C12orf50: variants seen among roughly 807,000 people sequenced by gnomAD.
C12orf50 encodes the protein zinc finger CCCH-type containing 11D.
C12orf50 carries 35 observed loss-of-function variants against 61.6 expected under a neutral mutation model. That is an observed-to-expected ratio of 0.57 (90% CI 0.43 to 0.75). C12orf50 has a LOEUF of 0.75. Ranked by LOEUF, C12orf50 falls within the 30% of genes least tolerant of loss-of-function variation. C12orf50 has a pLI of 0.00. For synonymous variants in C12orf50, 178 were observed against 161.5 expected (o/e 1.10, Z -0.77); for missense variants, 475 against 488.5 (o/e 0.97, Z 0.26).
chr12:87,980,106 T>A lies in C12orf50; in HGVS notation c.*225A>T. 1 of 543,108 alleles carries A rather than the reference T, an allele frequency of 1.8e-6. No homozygotes were observed. The highest frequency in any genetic ancestry group is 2.8e-5 in the South Asian group (1 of 35,598). The allele number at this position is 543,108 out of a possible 1,614,324, so 33.6% of individuals were successfully genotyped here. On this transcript the variant is annotated 3_prime_UTR_variant, in exon 13 of 13. Transcript: ENST00000298699. ...GCACGGAATGAATTCCAGACCTACATAAATACACTGGCAGCTGTTGGTAAT... is the reference window on the plus strand; with the variant it reads ...GCACGGAATGAATTCCAGACCTACAAAAATACACTGGCAGCTGTTGGTAAT...
At chr12:88,020,796 A>G (rs1328421345) in intron 3 of C12orf50, among the ~76,000 whole-genome samples, 2 of 150,376 alleles carry the variant, frequency 1.3e-5, no homozygotes, top group Non-Finnish European at 3.0e-5. Context: ...ATAAAACAAT[A>G]CTCAGCAAAT....
At chr12:88,001,851 T>C (rs1695288847) in intron 3 of C12orf50, among the ~76,000 whole-genome samples, 1 of 151,588 alleles carries the variant, frequency 6.6e-6, no homozygotes, top group Non-Finnish European at 1.5e-5. Context: ...ATTTTTTATT[T>C]CTGATTTTAG....
chr12:87,985,619 A>G, intron 11 of C12orf50: 2 of 561,046 alleles, frequency 3.6e-6, no homozygotes, highest in Non-Finnish European at 3.2e-6. Flanking sequence ...AAAAAACTCT[A>G]GGGAGGTGCA....
At position 87,986,015 on chromosome 12, in the gene C12orf50, G is replaced by A. The variant is rs1272183478; in HGVS notation, c.961C>T (p.His321Tyr). The change falls in exon 11 of 13, where the codon CAC (histidine) becomes TAC (tyrosine). Residue 321 changes from histidine (H) to tyrosine (Y), a missense_variant. Transcript: ENST00000298699. ...APRPQNKMSY[H>Y]RNNKNRNAEN... ...GCATTTCGATTTTTATTATTGCGGT[G>A]ATAACTCATTTTATTTTGGGGTCTT... is the stretch of plus-strand genomic sequence containing the variant. 1.9e-6 allele frequency: 3 copies of A among 1,613,738 alleles called. No homozygotes were observed. The African/African-American group carries it at 4.0e-5, about 22-fold the overall frequency.
intron 7 of C12orf50, among the ~76,000 whole-genome samples, chr12:87,990,883 A>G (rs1228253320): frequency 6.6e-6 from 1 of 152,164 alleles, no homozygotes; most frequent in Non-Finnish European, 1.5e-5. Context: ...TTTCAGGTAC[A>G]GTGTGGAACC....
At chr12:87,996,244 TTTCTTC>T (rs1268489593) in intron 6 of C12orf50, 124 bp downstream of exon 6, 2 of 693,622 alleles carry the variant, frequency 2.9e-6, no homozygotes, top group Non-Finnish European at 4.8e-6. Flanking sequence ...ATACAAACAC[TTTCTTC>T]TAGTGCTCAA....
chr12:87,990,851 A>G (rs1486339148), intron 7 of C12orf50, among the ~76,000 whole-genome samples: 5 of 152,128 alleles, frequency 3.3e-5, no homozygotes, highest in Non-Finnish European at 1.5e-5. Flanking sequence ...CTCCCTTTAA[A>G]CTGTTATCTG....
chr12:88,008,078 T>G (rs1189539149), intron 3 of C12orf50, among the ~76,000 whole-genome samples: 3 of 151,860 alleles, frequency 2.0e-5, no homozygotes, highest in Admixed American at 6.5e-5. Flanking sequence ...TATCTTTTCT[T>G]TTCAGTTCAG....
At chr12:87,994,852 G>A (rs2031309880) in intron 6 of C12orf50, 109 bp from the exon 7 acceptor site, 2 of 661,924 alleles carry the variant, frequency 3.0e-6, no homozygotes, top group South Asian at 4.0e-5. Context: ...GTTAATGCAA[G>A]TATTGTTTGC....
upstream of C12orf50, among the ~76,000 whole-genome samples, chr12:88,029,972 T>C (rs917837815): frequency 6.6e-6 from 1 of 152,192 alleles, no homozygotes; most frequent in African/African-American, 2.4e-5. Flanking sequence ...TGAGAATTTG[T>C]TGAAAACAAG....
intron 7 of C12orf50, among the ~76,000 whole-genome samples, chr12:87,991,084 A>G (rs2031099050): frequency 6.6e-6 from 1 of 152,148 alleles, no homozygotes; most frequent in South Asian, 2.1e-4. Context: ...TGTCCGAGGA[A>G]TAAGGACTAT....
intron 3 of C12orf50, among the ~76,000 whole-genome samples, chr12:88,006,141 C>T (rs1592668948): frequency 1.3e-5 from 2 of 152,152 alleles, no homozygotes; most frequent in East Asian, 1.9e-4. Flanking sequence ...TGGTCTCGAT[C>T]TCCTGACCTC....
chr12:87,993,127 C>A (rs563430662), intron 7 of C12orf50, among the ~76,000 whole-genome samples: 42 of 152,078 alleles, frequency 2.8e-4, no homozygotes, highest in African/African-American at 9.4e-4. Flanking sequence ...TCAACTAGTT[C>A]ATTACTCTAA....
intron 11 of C12orf50, 34 bp from the exon 12 acceptor site, chr12:87,983,229 T>A (rs1167790958): frequency 7.1e-7 from 1 of 1,406,042 alleles, no homozygotes; most frequent in African/African-American, 1.4e-5. Flanking sequence ...AAATATTTTA[T>A]AACTTTAAAA....
chr12:87,989,186 GT>G, intron 8 of C12orf50, 77 bp downstream of exon 8: 1 of 1,020,788 alleles, frequency 9.8e-7, no homozygotes, highest in Admixed American at 2.1e-5. Context: ...TCCTCTATTG[GT>G]TTTTATAACA....
At chr12:87,995,334 GA>G (rs1303262382) in intron 6 of C12orf50, among the ~76,000 whole-genome samples, 1 of 152,116 alleles carries the variant, frequency 6.6e-6, no homozygotes, top group Non-Finnish European at 1.5e-5. Context: ...AAATTTGTGG[GA>G]AAAGAAGGTT....
chr12:87,999,415 ACT>A (rs890465863), intron 3 of C12orf50, among the ~76,000 whole-genome samples: 3 of 152,138 alleles, frequency 2.0e-5, no homozygotes, highest in Admixed American at 6.6e-5. Context: ...ACAGAGCAAG[ACT>A]CTGTTTCAAA....
At chr12:87,992,522 A>G (rs1555186109) in intron 7 of C12orf50, among the ~76,000 whole-genome samples, 1 of 152,186 alleles carries the variant, frequency 6.6e-6, no homozygotes, top group Non-Finnish European at 1.5e-5. Flanking sequence ...GTATATATCT[A>G]TCTATCTATA....
At chr12:87,985,058 T>TG (rs1565738272) in intron 11 of C12orf50, 1 of 151,854 alleles carries the variant, frequency 6.6e-6, no homozygotes. Context: ...ATACCTACTG[T>TG]GTACTCATAA....
Sources: gnomAD v4.1 joint callset for allele counts (sites outside exome capture counted in the v4.1 genomes callset) on GRCh38, gnomAD v4.1.1 for gene constraint, MANE v1.5 for transcripts, NCBI Gene and HGNC (gene_info 2026-07-23, HGNC 2026-07-21) for gene names.